The following GALNT17 variants were observed in gnomAD, a reference collection of about 807,000 sequenced individuals.
The protein encoded by GALNT17 is UDP-GalNAc:polypeptide N-acetylgalactosaminyltransferase-like 3.
In GALNT17, 29 loss-of-function variants were observed where a neutral mutation model predicts 63.7. The ratio of observed to expected loss-of-function variants is 0.46; its 90% CI spans 0.34 to 0.62. The LOEUF (loss-of-function observed/expected upper bound fraction) is 0.62, where lower values mean the gene tolerates loss of function less well. Ranked by LOEUF, GALNT17 falls within the 20% of genes least tolerant of loss-of-function variation. GALNT17 has a pLI of 0.01. For synonymous variants in GALNT17, 305 were observed against 318.3 expected (o/e 0.96, Z 0.45); for missense variants, 603 against 799.6 (o/e 0.75, Z 2.97).
intron 1 of GALNT17, among the ~76,000 whole-genome samples, chr7:71,248,322 T>C (rs1043399763): frequency 2.0e-5 from 3 of 152,058 alleles, no homozygotes; most frequent in African/African-American, 7.2e-5. Flanking sequence ...AACACGTGGG[T>C]ATTACAATTT....
intron 5 of GALNT17, among the ~76,000 whole-genome samples, chr7:71,455,564 A>G (rs1787340230): frequency 6.6e-6 from 1 of 151,728 alleles, no homozygotes; most frequent in African/African-American, 2.4e-5. Context: ...TCATTTAGCA[A>G]ACATTTCTTG....
At chr7:71,204,865 C>A (rs986347539) in intron 1 of GALNT17, among the ~76,000 whole-genome samples, 10 of 152,072 alleles carry the variant, frequency 6.6e-5, no homozygotes, top group Non-Finnish European at 7.4e-5. Context: ...CGTGCCTCAG[C>A]CTCTCAAGTA....
At chr7:71,436,839 G>A (rs536988734) in intron 5 of GALNT17, among the ~76,000 whole-genome samples, 3 of 152,258 alleles carry the variant, frequency 2.0e-5, no homozygotes, top group South Asian at 4.1e-4. Context: ...TTGACTGTCT[G>A]TAAGATGGTC....
rs1343277575 is a variant in GALNT17, at chr7:71,488,169, T to TAAA, written c.962+67082_962+67084dup. Among the ~76,000 whole-genome samples the TAAA allele has an allele frequency of 3.6e-4, 45 of 123,544 alleles. 1 individual carries two copies. The highest frequency in any genetic ancestry group is 2.2e-3 in the East Asian group (9 of 4,028). The allele number at this position is 123,544 out of a possible 152,430, so 81.0% of individuals were successfully genotyped here. On this transcript the variant is annotated intron_variant, in intron 5 of 10. Coordinates refer to ENST00000333538, the MANE Select transcript of GALNT17 (RefSeq NM_022479.3). ...GGCAACAGAGCAAGACCCTATCTCT[T>TAAA]AAAAAAAAAAAAAAAAAAAACAGCC...
At chr7:71,428,990 A>C (rs1040573902) in intron 5 of GALNT17, among the ~76,000 whole-genome samples, 2 of 152,190 alleles carry the variant, frequency 1.3e-5, no homozygotes, top group African/African-American at 4.8e-5. Context: ...CCCTTCAGGT[A>C]CAGTTTGCTT....
chr7:71,551,649 C>T (rs914988354), intron 5 of GALNT17, among the ~76,000 whole-genome samples: 6 of 151,936 alleles, frequency 3.9e-5, no homozygotes, highest in African/African-American at 1.5e-4. Flanking sequence ...GACCTGTAGT[C>T]CTAGCTACTT....
At chr7:71,241,703 C>T (rs2116468717) in intron 1 of GALNT17, among the ~76,000 whole-genome samples, 1 of 152,114 alleles carries the variant, frequency 6.6e-6, no homozygotes, top group East Asian at 1.9e-4. Flanking sequence ...GCTTGGACAA[C>T]ATAGGGAGAC....
intron 5 of GALNT17, among the ~76,000 whole-genome samples, chr7:71,515,641 C>T (rs1377365294): frequency 6.6e-6 from 1 of 152,170 alleles, no homozygotes; most frequent in East Asian, 1.9e-4. Flanking sequence ...AATCTCTGTT[C>T]CTTTCCCCAT....
At chr7:71,647,035 C>T (rs554181154) in intron 6 of GALNT17, among the ~76,000 whole-genome samples, 13 of 151,040 alleles carry the variant, frequency 8.6e-5, no homozygotes, top group African/African-American at 4.9e-5. Flanking sequence ...CTTGAGCCAC[C>T]GCCCCTGGCC....
chr7:71,136,327 G>C (rs1193494208), intron 1 of GALNT17, among the ~76,000 whole-genome samples: 1 of 152,192 alleles, frequency 6.6e-6, no homozygotes, highest in African/African-American at 2.4e-5. Context: ...TGGAGAGGCT[G>C]CTAGAGCCAG....
intron 3 of GALNT17, among the ~76,000 whole-genome samples, chr7:71,398,740 A>T (rs11767224): frequency 0.029 from 4,449 of 152,318 alleles, 97 homozygotes; most frequent in East Asian, 0.047. Context: ...AAGATGAAAA[A>T]AGTTGTGGAA....
At chr7:71,497,425 A>G (rs1310828631) in intron 5 of GALNT17, among the ~76,000 whole-genome samples, 1 of 152,126 alleles carries the variant, frequency 6.6e-6, no homozygotes, top group South Asian at 2.1e-4. Flanking sequence ...GGGGCCTCAC[A>G]GTCTTTCCTC....
At chr7:71,286,117 C>G (rs1307836737) in intron 1 of GALNT17, among the ~76,000 whole-genome samples, 1 of 152,176 alleles carries the variant, frequency 6.6e-6, no homozygotes, top group South Asian at 2.1e-4. Context: ...AATAAAATAT[C>G]TTGCGTTTGC....
intron 1 of GALNT17, among the ~76,000 whole-genome samples, chr7:71,180,853 C>G (rs563863485): frequency 6.6e-6 from 1 of 152,236 alleles, no homozygotes; most frequent in Admixed American, 6.5e-5. Flanking sequence ...AGGCCAAGAA[C>G]TCAGTTTGGG....
intron 1 of GALNT17, among the ~76,000 whole-genome samples, chr7:71,286,389 A>G (rs1421653487): frequency 6.6e-6 from 1 of 152,224 alleles, no homozygotes; most frequent in Non-Finnish European, 1.5e-5. Flanking sequence ...ACTTGGCCCA[A>G]ATGATAATTA....
chr7:71,140,971 T>C (rs956258179), intron 1 of GALNT17, among the ~76,000 whole-genome samples: 15 of 151,844 alleles, frequency 9.9e-5, no homozygotes, highest in Non-Finnish European at 1.9e-4. Flanking sequence ...CAGTGAGCCA[T>C]GATTGCATCA....
intron 6 of GALNT17, among the ~76,000 whole-genome samples, chr7:71,606,931 G>A (rs1229098053): frequency 6.6e-6 from 1 of 152,172 alleles, no homozygotes; most frequent in African/African-American, 2.4e-5. Flanking sequence ...GGGGTGGAAA[G>A]TAAAGCTACA....
intron 5 of GALNT17, among the ~76,000 whole-genome samples, chr7:71,558,004 G>A (rs541129061): frequency 6.6e-6 from 1 of 151,010 alleles, no homozygotes; most frequent in Admixed American, 6.6e-5. Context: ...AACCCAGGAG[G>A]CAGAGATTGC....
chr7:71,527,713 TAAGAA>T (rs1788647579), intron 5 of GALNT17, among the ~76,000 whole-genome samples: 1 of 152,238 alleles, frequency 6.6e-6, no homozygotes, highest in African/African-American at 2.4e-5. Flanking sequence ...TGGCAGTTTC[TAAGAA>T]GAGACCTTTA....
Sources: allele counts gnomAD v4.1 joint callset (sites outside exome capture counted in the v4.1 genomes callset), GRCh38; gene constraint gnomAD v4.1.1; transcripts MANE v1.5; gene names NCBI Gene and HGNC (gene_info 2026-07-23, HGNC 2026-07-21).